MDGA2: variants seen among roughly 807,000 people sequenced by gnomAD.
MDGA2 encodes MAM domain containing glycosylphosphatidylinositol anchor 2.
A neutral mutation model predicts 117.8 loss-of-function variants in MDGA2; 40 were observed. The observed-to-expected ratio is 0.34, with a 90% CI of 0.26 to 0.44. The LOEUF is 0.44. MDGA2 is among the 20% of genes least tolerant of loss of function. MDGA2 has a pLI of 1.00. For missense variants in MDGA2, 1,123 were observed against 1,250.6 expected, an observed-to-expected ratio of 0.90 and a Z score of 1.54; for synonymous variants, 452 against 439.0, an observed-to-expected ratio of 1.03 and a Z score of -0.37.
intron 1 of MDGA2, among the ~76,000 whole-genome samples, chr14:47,410,053 G>A (rs542332779): frequency 6.1e-4 from 93 of 152,220 alleles, no homozygotes; most frequent in Non-Finnish European, 1.1e-3. Context: ...TTTCTAATTG[G>A]TCCACATACT....
At chr14:46,872,777 A>C (rs1253269687) in intron 14 of MDGA2, among the ~76,000 whole-genome samples, 3 of 151,974 alleles carry the variant, frequency 2.0e-5, no homozygotes, top group Non-Finnish European at 4.4e-5. Flanking sequence ...GCACATAAAG[A>C]ATGGTAGACC....
chr14:47,003,595 G>A lies in MDGA2; in HGVS notation c.1819+31416C>T, dbSNP rs1887609155. ...TGAGTACTCATTCTGGTGATTATTT[G>A]CCATCCATATATCTTCTCTGATGAA... is the stretch of plus-strand genomic sequence containing the variant. On this transcript the variant is annotated intron_variant, in intron 8 of 16. Transcript: ENST00000399232. Among the ~76,000 whole-genome samples, 4 of 151,898 alleles carry A rather than the reference G, an allele frequency of 2.6e-5. No homozygotes were observed. In the South Asian group the frequency reaches 8.3e-4, roughly 31 times the overall value.
At chr14:47,253,293 G>C (rs1887508405) in intron 2 of MDGA2, among the ~76,000 whole-genome samples, 1 of 152,112 alleles carries the variant, frequency 6.6e-6, no homozygotes, top group South Asian at 2.1e-4. Context: ...CAAGTCCAAA[G>C]TCTTATCTGA....
chr14:47,324,402 C>T (rs1386643429), intron 1 of MDGA2, among the ~76,000 whole-genome samples: 1 of 152,156 alleles, frequency 6.6e-6, no homozygotes, highest in African/African-American at 2.4e-5. Context: ...TGAAAAAATG[C>T]ACATTTGATT....
At chr14:47,109,261 C>T (rs1462308631) in intron 5 of MDGA2, among the ~76,000 whole-genome samples, 2 of 152,210 alleles carry the variant, frequency 1.3e-5, no homozygotes, top group African/African-American at 4.8e-5. Flanking sequence ...CTTTCTATTT[C>T]TTCTACCTGG....
intron 1 of MDGA2, among the ~76,000 whole-genome samples, chr14:47,619,944 GC>G (rs1897020357): frequency 6.6e-6 from 1 of 152,228 alleles, no homozygotes; most frequent in African/African-American, 2.4e-5. Flanking sequence ...CCAGCACACA[GC>G]CATCCACTTG....
At chr14:47,491,685 C>T (rs899447987) in intron 1 of MDGA2, among the ~76,000 whole-genome samples, 2 of 151,910 alleles carry the variant, frequency 1.3e-5, no homozygotes, top group Admixed American at 1.3e-4. Flanking sequence ...AAATAATTAT[C>T]TTTTTTTCTC....
chr14:46,934,560 C>G (rs992165152), intron 9 of MDGA2, among the ~76,000 whole-genome samples: 1 of 152,128 alleles, frequency 6.6e-6, no homozygotes. Context: ...CAAATCTTAC[C>G]TCAAAAAGAT....
chr14:47,608,137 G>C (rs180724804), intron 1 of MDGA2, among the ~76,000 whole-genome samples: 3 of 152,236 alleles, frequency 2.0e-5, no homozygotes, highest in Admixed American at 2.0e-4. Flanking sequence ...TCTCCATTGA[G>C]TAATACCTTT....
intron 1 of MDGA2, among the ~76,000 whole-genome samples, chr14:47,530,442 T>G (rs1487712343): frequency 6.6e-6 from 1 of 152,226 alleles, no homozygotes; most frequent in African/African-American, 2.4e-5. Context: ...TAGAAATTAC[T>G]GATATACACA....
chr14:46,841,197 C>CG lies in MDGA2; in HGVS notation c.*733dup, dbSNP rs1566485953. The stretch of plus-strand genomic sequence containing the variant: ...GACGTAGTTTGGGTGTTCAAGTGGC[C>CG]GCAAGCAAACTCCGATAAGCCTGTG... On this transcript the variant is annotated 3_prime_UTR_variant, in exon 17 of 17. Transcript: ENST00000399232. 6.6e-6 allele frequency: 1 copy of CG among 152,352 alleles called. No homozygotes were observed. The highest frequency in any genetic ancestry group is 1.5e-5 in the Non-Finnish European group (1 of 67,990). 9.4% of individuals were successfully genotyped at this position (152,352 alleles called of 1,614,324 possible).
At chr14:47,643,255 A>G (rs1897463623) in intron 1 of MDGA2, among the ~76,000 whole-genome samples, 1 of 152,124 alleles carries the variant, frequency 6.6e-6, no homozygotes, top group Admixed American at 6.5e-5. Flanking sequence ...AAAGTATTAC[A>G]TTATACCATT....
At position 47,565,448 on chromosome 14, in the gene MDGA2, G is replaced by T. The variant is rs192520188; in HGVS notation, c.280+109069C>A. Among the ~76,000 whole-genome samples the T allele has an allele frequency of 2.4e-3, 362 of 152,252 alleles. 1 individual carries two copies. The highest frequency in any genetic ancestry group is 3.2e-3 in the Non-Finnish European group (216 of 68,036). ...TTGGGCTGTGTACTTTAACTTTGGG[G>T]GGCTGTTATCAGGCCCCCAGCTTTG... is the stretch of plus-strand genomic sequence containing the variant. On this transcript the variant is annotated intron_variant, in intron 1 of 16. Coordinates refer to ENST00000399232, the MANE Select transcript of MDGA2 (RefSeq NM_001113498.3).
At chr14:47,096,066 A>T (rs972753343) in intron 6 of MDGA2, among the ~76,000 whole-genome samples, 1 of 151,960 alleles carries the variant, frequency 6.6e-6, no homozygotes, top group African/African-American at 2.4e-5. Flanking sequence ...GAGAGAAAAC[A>T]TGCCTAAATG....
At chr14:46,959,535 T>C (rs955249202) in intron 8 of MDGA2, among the ~76,000 whole-genome samples, 4 of 151,718 alleles carry the variant, frequency 2.6e-5, no homozygotes, top group Non-Finnish European at 2.9e-5. Flanking sequence ...TCAATCTTTT[T>C]TTAACCCAGA....
At chr14:46,967,500 G>C (rs1886081905) in intron 8 of MDGA2, among the ~76,000 whole-genome samples, 1 of 152,172 alleles carries the variant, frequency 6.6e-6, no homozygotes, top group African/African-American at 2.4e-5. Flanking sequence ...ATTAAGAAGA[G>C]TTGAATTGCT....
chr14:47,529,277 T>C (rs936341678), intron 1 of MDGA2, among the ~76,000 whole-genome samples: 13 of 152,178 alleles, frequency 8.5e-5, no homozygotes, highest in Admixed American at 4.6e-4. Context: ...CTATAAATCA[T>C]AGACAGATAT....
Position 46,969,571 on chromosome 14 carries a change from T to C in MDGA2, c.1820-11928A>G, listed in dbSNP as rs2138323312. Among the ~76,000 whole-genome samples the C allele has an allele frequency of 2.0e-5, 3 of 152,320 alleles. No individual in the cohort carries two copies. In the East Asian group the frequency reaches 5.8e-4, roughly 30 times the overall value. ...TTCTTTTGAGAAGTGTCTGTTCATA[T>C]CCTTCACCCACTTGTTGATGGGGTT... On this transcript the variant is annotated intron_variant, in intron 8 of 16. Transcript: ENST00000399232.
intron 1 of MDGA2, among the ~76,000 whole-genome samples, chr14:47,612,562 G>T (rs1041835646): frequency 2.6e-5 from 4 of 152,078 alleles, no homozygotes; most frequent in Admixed American, 2.6e-4. Flanking sequence ...ATTCCAAGGT[G>T]ATCTGTCTTT....
Sources: gnomAD v4.1 joint callset for allele counts (sites outside exome capture counted in the v4.1 genomes callset) on GRCh38, gnomAD v4.1.1 for gene constraint, MANE v1.5 for transcripts, NCBI Gene and HGNC (gene_info 2026-07-23, HGNC 2026-07-21) for gene names.